The following CDK8 variants were observed in gnomAD, a reference collection of about 807,000 sequenced individuals.
CDK8 encodes cyclin-dependent kinase 8.
Under a neutral mutation model 71.5 loss-of-function variants are expected in CDK8, and 29 were observed. The observed-to-expected ratio is 0.41, with a 90% CI of 0.30 to 0.55. CDK8 has a LOEUF of 0.55. Ranked by LOEUF, CDK8 falls within the 20% of genes least tolerant of loss-of-function variation. The pLI is 0.37. For missense variants in CDK8, 288 were observed against 572.6 expected (o/e 0.50, Z 5.07); for synonymous variants, 161 against 192.1 (o/e 0.84, Z 1.34).
At chr13:26,322,424 G>T (rs1405281702) in intron 1 of CDK8, among the ~76,000 whole-genome samples, 1 of 152,030 alleles carries the variant, frequency 6.6e-6, no homozygotes, top group Non-Finnish European at 1.5e-5. Context: ...TTCTCACTCT[G>T]TGTGGTTATT....
At chr13:26,322,101 C>G (rs1388360986) in intron 1 of CDK8, among the ~76,000 whole-genome samples, 2 of 152,058 alleles carry the variant, frequency 1.3e-5, no homozygotes, top group Non-Finnish European at 2.9e-5. Context: ...TATTTGCTTA[C>G]AGAGAAATGG....
At chr13:26,307,712 G>A (rs1362816528) in intron 1 of CDK8, among the ~76,000 whole-genome samples, 4 of 152,100 alleles carry the variant, frequency 2.6e-5, no homozygotes, top group Admixed American at 2.0e-4. Context: ...ACATGCTTGT[G>A]TTATATTTTG....
At chr13:26,355,887 A>C (rs929284988) in intron 4 of CDK8, among the ~76,000 whole-genome samples, 1 of 152,066 alleles carries the variant, frequency 6.6e-6, no homozygotes, top group Non-Finnish European at 1.5e-5. Flanking sequence ...ATACATATGT[A>C]TATTAGGTAA....
At chr13:26,311,869 G>C (rs1001201720) in intron 1 of CDK8, among the ~76,000 whole-genome samples, 3 of 152,116 alleles carry the variant, frequency 2.0e-5, no homozygotes, top group Non-Finnish European at 4.4e-5. Flanking sequence ...TGTCTTTTGT[G>C]GCACATAGTT....
intron 4 of CDK8, among the ~76,000 whole-genome samples, chr13:26,379,620 AAGATGGTGTG>A (rs1397512967): frequency 2.0e-5 from 3 of 152,178 alleles, no homozygotes; most frequent in Non-Finnish European, 4.4e-5. Flanking sequence ...AGGAGAAAAA[AAGATGGTGTG>A]AGAGTGAGAT....
chr13:26,255,956 TGGAAA>T (rs1268554578), intron 1 of CDK8, among the ~76,000 whole-genome samples: 3 of 152,314 alleles, frequency 2.0e-5, no homozygotes, highest in Admixed American at 2.0e-4. Context: ...TTCTGGATGT[TGGAAA>T]GGAAAGTGTA....
At position 26,348,879 on chromosome 13, in the gene CDK8, G is replaced by T. The variant is rs550800513; in HGVS notation, c.205-193G>T. 4.6e-5 allele frequency among the ~76,000 whole-genome samples: 7 copies of T among 152,264 alleles called. No homozygotes were observed. The East Asian group carries it at 1.3e-3, about 29-fold the overall frequency. Reference sequence around the variant, plus strand: ...AAATAGATTTACTCAGATAATACCTGTTCAGTGTCTTTTCCTCACAGATAT... The same window carrying T: ...AAATAGATTTACTCAGATAATACCTTTTCAGTGTCTTTTCCTCACAGATAT... On this transcript the variant is annotated intron_variant, in intron 2 of 12. Transcript: ENST00000381527.
In CDK8 at chr13:26,309,117, A is replaced by G. The variant is rs541166507; in HGVS notation, c.129-28450A>G. Among the ~76,000 whole-genome samples the G allele has an allele frequency of 2.0e-5, 3 of 151,436 alleles. No individual in the cohort carries two copies. The South Asian group carries it at 6.3e-4, about 32-fold the overall frequency. ...ACCTCCTGTCATTATCATCATCATT[A>G]TATCTATATATGTATGTATATAGAT... is the stretch of plus-strand genomic sequence containing the variant. On this transcript the variant is annotated intron_variant, in intron 1 of 12. Coordinates refer to ENST00000381527, the MANE Select transcript of CDK8 (RefSeq NM_001260.3).
At chr13:26,355,747 A>G (rs1565983961) in intron 4 of CDK8, among the ~76,000 whole-genome samples, 1 of 152,172 alleles carries the variant, frequency 6.6e-6, no homozygotes, top group Non-Finnish European at 1.5e-5. Context: ...TCTACTTTTG[A>G]GCTACCAGTC....
chr13:26,372,404 A>G (rs1048285324), intron 4 of CDK8, among the ~76,000 whole-genome samples: 4 of 152,230 alleles, frequency 2.6e-5, no homozygotes, highest in Admixed American at 1.3e-4. Context: ...GTATTAGAAA[A>G]AGAAATAATA....
At position 26,378,943 on chromosome 13, in the gene CDK8, G is replaced by A. The variant is rs1875085447; in HGVS notation, c.457-3871G>A. On this transcript the variant is annotated intron_variant, in intron 4 of 12. Transcript: ENST00000381527. Reference sequence around the variant, plus strand: ...TACTAAAACAAAAATTATTCATCAAGTCTTTTGAAGTCTTCCTTAATACTG... The same window carrying A: ...TACTAAAACAAAAATTATTCATCAAATCTTTTGAAGTCTTCCTTAATACTG... Among the ~76,000 whole-genome samples, 4 of 152,296 alleles carry A rather than the reference G, an allele frequency of 2.6e-5. No homozygotes were observed. In the South Asian group the frequency reaches 8.3e-4, roughly 32 times the overall value.
chr13:26,326,052 A>C (rs1360667840), intron 1 of CDK8, among the ~76,000 whole-genome samples: 1 of 152,206 alleles, frequency 6.6e-6, no homozygotes, highest in Non-Finnish European at 1.5e-5. Flanking sequence ...GATTATTAAC[A>C]GAGTTTGTAT....
At chr13:26,318,588 C>T (rs1874621290) in intron 1 of CDK8, among the ~76,000 whole-genome samples, 1 of 152,082 alleles carries the variant, frequency 6.6e-6, no homozygotes, top group South Asian at 2.1e-4. Context: ...ATTCTATGAC[C>T]AAGTTATTTT....
chr13:26,395,231 A>G (rs548584617), intron 7 of CDK8, among the ~76,000 whole-genome samples: 7 of 152,202 alleles, frequency 4.6e-5, no homozygotes, highest in South Asian at 4.1e-4. Context: ...TGGGCGGATC[A>G]CCTGAGGTTG....
chr13:26,268,361 G>A (rs150474198), intron 1 of CDK8, among the ~76,000 whole-genome samples: 262 of 151,048 alleles, frequency 1.7e-3, no homozygotes, highest in African/African-American at 5.8e-3. Flanking sequence ...TGTCACCCAG[G>A]CTGGAGTGCA....
intron 1 of CDK8, among the ~76,000 whole-genome samples, chr13:26,268,256 A>ACACACACACAC (rs1872125882): frequency 8.6e-6 from 1 of 116,766 alleles, no homozygotes; most frequent in African/African-American, 3.5e-5. Flanking sequence ...CCCCTCCCCC[A>ACACACACACAC]ACACACACAC....
chr13:26,366,375 C>A (rs939521377), intron 4 of CDK8, among the ~76,000 whole-genome samples: 1 of 151,968 alleles, frequency 6.6e-6, no homozygotes, highest in Non-Finnish European at 1.5e-5. Flanking sequence ...AATCAACATA[C>A]AATATTTTTT....
At position 26,401,823 on chromosome 13, in the gene CDK8, T is replaced by A. The variant is rs1876273515; in HGVS notation, c.1269+199T>A. ...TTAGACTTTTGAACCAGACTTGGAA[T>A]GATCAAATACAAATTATGCCATTTA... is the stretch of plus-strand genomic sequence containing the variant. On this transcript the variant is annotated intron_variant, in intron 12 of 12. Coordinates refer to ENST00000381527, the MANE Select transcript of CDK8 (RefSeq NM_001260.3). The surrounding 1 kb of genome is among the most constrained non-coding windows in gnomAD (Gnocchi z 4.5). 6.6e-6 allele frequency among the ~76,000 whole-genome samples: 1 copy of A among 152,224 alleles called. No individual in the cohort carries two copies. The highest frequency in any genetic ancestry group is 1.5e-5 in the Non-Finnish European group (1 of 68,046).
At chr13:26,278,786 T>G (rs373369338) in intron 1 of CDK8, among the ~76,000 whole-genome samples, 1 of 152,194 alleles carries the variant, frequency 6.6e-6, no homozygotes, top group East Asian at 1.9e-4. Context: ...TATCTGTGGG[T>G]TCCATATATG....
Sources: allele counts gnomAD v4.1 joint callset (sites outside exome capture counted in the v4.1 genomes callset), GRCh38; gene constraint gnomAD v4.1.1; non-coding constraint Gnocchi (gnomAD v3.1); transcripts MANE v1.5; gene names NCBI Gene and HGNC (gene_info 2026-07-23, HGNC 2026-07-21).